TEP1: variants seen among roughly 807,000 people sequenced by gnomAD.
TEP1 encodes telomerase associated protein 1.
A neutral mutation model predicts 306.3 loss-of-function variants in TEP1; 241 were observed. That is an observed-to-expected ratio of 0.79 (90% confidence interval 0.71 to 0.88). TEP1 has a LOEUF of 0.88. Among genes scored for constraint, TEP1 ranks in the 40% least tolerant of loss-of-function variants. The pLI is 0.00. For missense variants in TEP1, 3,051 were observed against 3,276.1 expected (o/e 0.93, Z 1.68); for synonymous variants, 1,289 against 1,305.5 (o/e 0.99, Z 0.27).
At position 20,377,670 on chromosome 14, in the gene TEP1, G is replaced by A. The variant is rs1885266463; in HGVS notation, c.5805C>T (p.Leu1935=). The A allele has an allele frequency of 6.2e-7, 1 of 1,614,160 alleles. No homozygotes were observed. The highest frequency in any genetic ancestry group is 8.5e-7 in the Non-Finnish European group (1 of 1,180,030). Reference sequence around the variant, plus strand: ...CAGCCACCCGATCACCATCTGGGCTGAGTGCCACAGAGAGGGCAGGAGAGA... The same window carrying A: ...CAGCCACCCGATCACCATCTGGGCTAAGTGCCACAGAGAGGGCAGGAGAGA... The part of the protein sequence containing the change: ...LSLSPALSVA[L]SPDGDRVAVG... The change falls in exon 40 of 55, where the codon CTC becomes CTT. Residue 1935 remains leucine (L), a synonymous_variant. Coordinates refer to ENST00000262715, the MANE Select transcript of TEP1 (RefSeq NM_007110.5).
At chr14:20,372,332 C>A (rs1021097870) in intron 49 of TEP1, among the ~76,000 whole-genome samples, 1 of 151,902 alleles carries the variant, frequency 6.6e-6, no homozygotes, top group East Asian at 1.9e-4. Flanking sequence ...CTCCTTCCCA[C>A]AATTTCTCAA....
In TEP1 at chr14:20,372,992, C is replaced by T; in HGVS notation, c.6951+19G>A. 1 of 1,614,090 alleles carries T rather than the reference C, an allele frequency of 6.2e-7. No homozygotes were observed. Among genetic ancestry groups the T allele is most frequent in the South Asian group, 1.1e-5 (1 of 91,060 alleles). On this transcript the variant is annotated intron_variant, in intron 48 of 54. Transcript: ENST00000262715. The stretch of plus-strand genomic sequence containing the variant: ...GGTAGAATTCACACAGACAAAGAAC[C>T]AAGGGTACACCGACTCACCTGTGCT...
At chr14:20,369,239 A>T in intron 53 of TEP1, 105 bp downstream of exon 53, 2 of 1,115,294 alleles carry the variant, frequency 1.8e-6, no homozygotes, top group Non-Finnish European at 2.7e-6. Context: ...TGATCTCCTG[A>T]CCTCATTATC....
chr14:20,379,553 C>G (rs1885404713), intron 35 of TEP1, among the ~76,000 whole-genome samples: 1 of 152,204 alleles, frequency 6.6e-6, no homozygotes, highest in African/African-American at 2.4e-5. Flanking sequence ...AACAAGAGTG[C>G]CTGCCCTTCT....
At chr14:20,385,275 T>C (rs1445755314) in intron 20 of TEP1, among the ~76,000 whole-genome samples, 166 bp from the exon 21 acceptor site, 1 of 151,758 alleles carries the variant, frequency 6.6e-6, no homozygotes, top group Non-Finnish European at 1.5e-5. Context: ...TTTATTTTTA[T>C]TTTTTTTTCC....
At position 20,381,677 on chromosome 14, in the gene TEP1, C is replaced by T; in HGVS notation, c.4434G>A (p.Gly1478=). Residue 1478 remains glycine, a synonymous_variant, in exon 31 of 55, where the codon GGG becomes GGA. Transcript: ENST00000262715. This position sits in a 1 kb window ranked among gnomAD's most constrained non-coding sequence, Gnocchi z 4.0. ...CLVQSLRSLL[G]EGPLERPGAR... ...CACCAGGGCGCTCCAGAGGGCCCTC[C>T]CCTAGCAAACTGTCCTCGTGTGAGG... 6.2e-7 allele frequency: 1 copy of T among 1,603,904 alleles called. No homozygotes were observed. Among genetic ancestry groups the T allele is most frequent in the Non-Finnish European group, 8.5e-7 (1 of 1,175,500 alleles).
In TEP1 at chr14:20,406,273, G is replaced by C; in HGVS notation, c.695C>G (p.Ser232Cys). 1 of 1,613,966 alleles carries C rather than the reference G, an allele frequency of 6.2e-7. No homozygotes were observed. The highest frequency in any genetic ancestry group is 2.2e-5 in the East Asian group (1 of 44,876). Residue 232 changes from serine to cysteine, a missense_variant, in exon 3 of 55, where the codon TCT (serine) becomes TGT (cysteine). Transcript: ENST00000262715. ...GACATGGTCAGTAGGCTCTGGATGA[G>C]ATTCAGAGTCTCCAGAGGTGAGCTT... ...AVKLTSGDSE[S>C]HPEPTDHVLQ...
Position 20,386,530 on chromosome 14 carries a change from C to T in TEP1, c.2778G>A (p.Gln926=). Reference sequence around the variant, plus strand: ...TGATACGGTGAGGGGCCGCTCGGGCCTGCAGTGCTGGCAGCACAGACCTCA... The same window carrying T: ...TGATACGGTGAGGGGCCGCTCGGGCTTGCAGTGCTGGCAGCACAGACCTCA... The part of the protein sequence containing the change: ...LLLRSVLPAL[Q]ARAAPHRISL... Residue 926 remains glutamine (Q), a synonymous_variant, in exon 19 of 55, where the codon CAG becomes CAA. Coordinates refer to ENST00000262715, the MANE Select transcript of TEP1 (RefSeq NM_007110.5). 6.2e-7 allele frequency: 1 copy of T among 1,613,292 alleles called. No homozygotes were observed.
chr14:20,402,319 A>G (rs1244519776), intron 7 of TEP1, among the ~76,000 whole-genome samples: 3 of 152,194 alleles, frequency 2.0e-5, no homozygotes, highest in Non-Finnish European at 4.4e-5. Context: ...AAAATAAATA[A>G]ATAAATAAAA....
chr14:20,378,117 C>A lies in TEP1; in HGVS notation c.5628G>T (p.Arg1876=), dbSNP rs753293804. 9.3e-6 allele frequency: 15 copies of A among 1,613,880 alleles called. No individual in the cohort carries two copies. The highest frequency in any genetic ancestry group is 1.3e-5 in the Non-Finnish European group (15 of 1,180,020). ...CATGGTGGGCAGGGAAGGCAGCCAG[C>A]CGTGCCCCTTCTCGCCAGGCCCACA... ...VELWAWREGA[R]LAAFPAHHGF... is the part of the protein sequence containing the mutation. Residue 1876 remains arginine, a synonymous_variant, in exon 39 of 55, where the codon CGG becomes CGT. Transcript: ENST00000262715.
At chr14:20,382,938 C>G (rs1876720844) in intron 27 of TEP1, among the ~76,000 whole-genome samples, 1 of 152,348 alleles carries the variant, frequency 6.6e-6, no homozygotes, top group East Asian at 1.9e-4. Flanking sequence ...CCACCAAAAA[C>G]CACTTGACTC....
Position 20,373,277 on chromosome 14 carries a change from C to T in TEP1, c.6807G>A (p.Lys2269=), listed in dbSNP as rs1594321724. The T allele has an allele frequency of 1.2e-6, 2 of 1,614,114 alleles. No individual in the cohort carries two copies. The highest frequency in any genetic ancestry group is 8.5e-7 in the Non-Finnish European group (1 of 1,179,974). ...DGSVRLWQVP[K]EADDTCIPRS... Reference sequence around the variant, plus strand: ...TCTCCAAGCCTCACTCACCTGCTTCCTTAGGAACCTGCCAGAGCCGTACAG... The same window carrying T: ...TCTCCAAGCCTCACTCACCTGCTTCTTTAGGAACCTGCCAGAGCCGTACAG... The change falls in exon 47 of 55, where the codon AAG becomes AAA. Residue 2269 remains lysine (K), a synonymous_variant. Transcript: ENST00000262715.
At chr14:20,392,990 G>A (rs552179578) in intron 12 of TEP1, among the ~76,000 whole-genome samples, 23 of 135,446 alleles carry the variant, frequency 1.7e-4, no homozygotes, top group African/African-American at 5.9e-4. Flanking sequence ...AGGCCGAGGC[G>A]GGCAGATCAC....
At position 20,376,253 on chromosome 14, in the gene TEP1, C is replaced by G; in HGVS notation, c.6100G>C (p.Val2034Leu). The G allele has an allele frequency of 6.2e-7, 1 of 1,613,222 alleles. No homozygotes were observed. The highest frequency in any genetic ancestry group is 1.3e-5 in the African/African-American group (1 of 74,982). The change falls in exon 42 of 55, where the codon GTG becomes CTG. Residue 2034 changes from valine (V) to leucine (L), a missense_variant. Val to Leu is a conservative substitution (Grantham distance 32). Around this residue, in one of 3 missense-constraint regions of TEP1, gnomAD observed 1,540 missense variants for 1,705.9 expected, o/e 0.90. Transcript: ENST00000262715. Reference sequence around the variant, plus strand: ...AGCAGCTGCCTTGGCCACAGCTGCACTGTGAAATCCTCTGCATTGGAAAAA... The same window carrying G: ...AGCAGCTGCCTTGGCCACAGCTGCAGTGTGAAATCCTCTGCATTGGAAAAA... Reference protein sequence around the residue: ...LLASASEDFTVQLWPRQLLTR... With the variant: ...LLASASEDFTLQLWPRQLLTR...
At chr14:20,402,695 G>A (rs1297912888) in intron 7 of TEP1, among the ~76,000 whole-genome samples, 1 of 152,128 alleles carries the variant, frequency 6.6e-6, no homozygotes, top group East Asian at 1.9e-4. Flanking sequence ...TTCAAAGCCG[G>A]GTGACGTGAA....
intron 8 of TEP1, 77 bp from the exon 9 acceptor site, chr14:20,401,218 G>A (rs2139171780): frequency 1.3e-6 from 2 of 1,545,752 alleles, no homozygotes; most frequent in Middle Eastern, 1.8e-4. Context: ...GGTGAGTCAT[G>A]TTTACAGGGC....
Position 20,375,702 on chromosome 14 carries a change from T to A in TEP1, c.6363+53A>T, listed in dbSNP as rs1388527583. 1.4e-5 allele frequency: 17 copies of A among 1,210,808 alleles called. No individual in the cohort carries two copies. The East Asian group carries it at 4.0e-4, about 28-fold the overall frequency. The allele number at this position is 1,210,808 out of a possible 1,614,324, so 75.0% of individuals were successfully genotyped here. On this transcript the variant is annotated intron_variant, in intron 43 of 54. Coordinates refer to ENST00000262715, the MANE Select transcript of TEP1 (RefSeq NM_007110.5). ...AAAAAGGACGAGGTGGGGAGTGTTG[T>A]CTTGCCCCAGGAACCCAGCTGGGCT...
intron 10 of TEP1, among the ~76,000 whole-genome samples, chr14:20,396,165 G>A (rs1170528027): frequency 1.3e-5 from 2 of 152,188 alleles, no homozygotes; most frequent in African/African-American, 2.4e-5. Context: ...AAGGAGCCCC[G>A]TTTCTTTTAA....
chr14:20,372,362 ATGTGTGTGTGTGTGTGTATG>A (rs1279689871), intron 49 of TEP1, among the ~76,000 whole-genome samples: 258 of 135,112 alleles, frequency 1.9e-3, no homozygotes, highest in East Asian at 0.015. Context: ...CCCCAGGAAT[ATGTGTGTGTGTGTGTGTATG>A]TGTGTGTGTG....
Sources: allele counts gnomAD v4.1 joint callset (sites outside exome capture counted in the v4.1 genomes callset), GRCh38; gene constraint gnomAD v4.1.1; regional missense constraint gnomAD v4.1.1; non-coding constraint Gnocchi (gnomAD v3.1); transcripts MANE v1.5; gene names NCBI Gene and HGNC (gene_info 2026-07-23, HGNC 2026-07-21).